Variants in KCNG2 observed in about 807,000 individuals in gnomAD.
KCNG2 encodes the protein potassium voltage-gated channel modifier subfamily G member 2, also known as voltage-gated potassium channel regulatory subunit KCNG2.
In KCNG2, 7 loss-of-function variants were observed where a neutral mutation model predicts 12.3. The ratio of observed to expected loss-of-function variants is 0.57; its 90% confidence interval spans 0.32 to 1.07. The LOEUF is 1.07. KCNG2 is among the 50% of genes least tolerant of loss of function. The pLI, the probability that KCNG2 is intolerant of heterozygous loss-of-function variation, is 0.04. For synonymous variants in KCNG2, 414 were observed against 351.4 expected (o/e 1.18, Z -1.99); for missense variants, 703 against 726.0 (o/e 0.97, Z 0.36).
At chr18:79,891,772 G>C (rs946803841) in intron 3 of KCNG2, among the ~76,000 whole-genome samples, 1 of 152,068 alleles carries the variant, frequency 6.6e-6, no homozygotes, top group African/African-American at 2.4e-5. Flanking sequence ...ATTGAGGTTG[G>C]TTCTATGGCC....
At chr18:79,826,790 C>T (rs1015404006) in intron 1 of KCNG2, among the ~76,000 whole-genome samples, 4 of 150,696 alleles carry the variant, frequency 2.7e-5, no homozygotes, top group South Asian at 4.2e-4. Context: ...TACGTCATTA[C>T]GTTCAGTGAA....
At chr18:79,810,603 A>T (rs563113430) in intron 1 of KCNG2, among the ~76,000 whole-genome samples, 1 of 126,332 alleles carries the variant, frequency 7.9e-6, no homozygotes, top group Non-Finnish European at 2.0e-5. Flanking sequence ...CCCTGTCTCT[A>T]AAAAAAAAGA....
rs1389714656 is a variant in KCNG2, at chr18:79,884,496, G to A, written c.625-14544G>A. ...ATGGAGCCCCGGCCACTGGGTCCCC[G>A]GGGGAGAGCCAGGCTGTGATGTCCC... On this transcript the variant is annotated intron_variant, in intron 3 of 3. Transcript: ENST00000316249. This position sits in a 1 kb window ranked among gnomAD's most constrained non-coding sequence, Gnocchi z 5.5. 6.6e-6 allele frequency among the ~76,000 whole-genome samples: 1 copy of A among 152,184 alleles called. No homozygotes were observed. Among genetic ancestry groups the A allele is most frequent in the African/African-American group, 2.4e-5 (1 of 41,442 alleles).
intron 3 of KCNG2, among the ~76,000 whole-genome samples, chr18:79,866,419 A>AGAGGTCTGGGTGCT (rs1333269832): frequency 9.6e-5 from 9 of 94,204 alleles, no homozygotes; most frequent in African/African-American, 3.8e-4. Context: ...CTGGGTGCTG[A>AGAGGTCTGGGTGCT]GAGGTCTGGG....
intron 1 of KCNG2, among the ~76,000 whole-genome samples, chr18:79,842,849 A>G (rs1452512140): frequency 6.6e-6 from 1 of 152,128 alleles, no homozygotes; most frequent in Non-Finnish European, 1.5e-5. Context: ...AATCCTAGAG[A>G]CTTATGGACT....
intron 2 of KCNG2, among the ~76,000 whole-genome samples, chr18:79,861,570 T>C (rs1297854998): frequency 6.6e-6 from 1 of 152,218 alleles, no homozygotes; most frequent in African/African-American, 2.4e-5. Flanking sequence ...TGAGCCACTG[T>C]GCCGGGTCTT....
intron 1 of KCNG2, among the ~76,000 whole-genome samples, chr18:79,811,711 C>T (rs1599365431): frequency 6.6e-6 from 1 of 152,318 alleles, no homozygotes; most frequent in South Asian, 2.1e-4. Context: ...TAAAATGCTT[C>T]ACCAATCATG....
rs1348086629 is a variant in KCNG2 at position 79,865,962 on chromosome 18, T to C, written c.624+1671T>C. Among the ~76,000 whole-genome samples, 3 of 127,502 alleles carry C rather than the reference T, an allele frequency of 2.4e-5. 1 individual carries two copies. The highest frequency in any genetic ancestry group is 7.9e-5 in the Admixed American group (1 of 12,634). 83.6% of individuals were successfully genotyped at this position (127,502 alleles called of 152,430 possible). On this transcript the variant is annotated intron_variant, in intron 3 of 3. Transcript: ENST00000316249. ...TCTGGATGCTGAGAGGTCTGTGTGC[T>C]GAGAGGACTGTGTGCCGAGGTCTGG... is the stretch of plus-strand genomic sequence containing the variant.
intron 1 of KCNG2, among the ~76,000 whole-genome samples, chr18:79,848,704 C>T (rs1414287990): frequency 1.3e-5 from 2 of 152,290 alleles, no homozygotes; most frequent in East Asian, 1.9e-4. Flanking sequence ...CGGTGGCCCA[C>T]GGGCTGGGGC....
At chr18:79,858,489 T>G (rs1251408821) in intron 2 of KCNG2, among the ~76,000 whole-genome samples, 4 of 152,252 alleles carry the variant, frequency 2.6e-5, no homozygotes, top group African/African-American at 9.6e-5. Flanking sequence ...TTTGGGTTGT[T>G]TTCAGTTTTT....
rs1383427673 is a variant in KCNG2, at chr18:79,807,823, G to A, written c.-115+9809G>A. 4.0e-4 allele frequency among the ~76,000 whole-genome samples: 54 copies of A among 135,674 alleles called. 1 individual carries two copies. Among genetic ancestry groups the A allele is most frequent in the South Asian group, 1.5e-3 (6 of 3,914 alleles). The allele number at this position is 135,674 out of a possible 152,430, so 89.0% of individuals were successfully genotyped here. Reference sequence around the variant, plus strand: ...TCCACGTTATGGGCCCAGAGTCCGCGCTCTGAGGAGCTGCCGGGGCCGCGC... The same window carrying A: ...TCCACGTTATGGGCCCAGAGTCCGCACTCTGAGGAGCTGCCGGGGCCGCGC... On this transcript the variant is annotated intron_variant, in intron 1 of 3. Transcript: ENST00000316249.
chr18:79,827,488 G>A (rs952298979), intron 1 of KCNG2, among the ~76,000 whole-genome samples: 6 of 152,156 alleles, frequency 3.9e-5, no homozygotes, highest in Non-Finnish European at 5.9e-5. Context: ...TTAGCACAGC[G>A]GCTCTCAAAC....
chr18:79,845,402 C>A (rs1051914384), intron 1 of KCNG2, among the ~76,000 whole-genome samples: 2 of 152,066 alleles, frequency 1.3e-5, no homozygotes, highest in Non-Finnish European at 2.9e-5. Context: ...GAGGCTACCA[C>A]GGGGAAAACT....
In KCNG2 at chr18:79,819,349, T is replaced by G. The variant is rs555769630; in HGVS notation, c.-115+21335T>G. ...TCACCAACCGAGGGACCCTTCCTGG[T>G]GGCTGTACGGGTGAGGCTGAGCCTC... On this transcript the variant is annotated intron_variant, in intron 1 of 3. Coordinates refer to ENST00000316249, the MANE Select transcript of KCNG2 (RefSeq NM_012283.2). Among the ~76,000 whole-genome samples, 5 of 152,300 alleles carry G rather than the reference T, an allele frequency of 3.3e-5. No homozygotes were observed. In the East Asian group the frequency reaches 9.7e-4, roughly 29 times the overall value.
chr18:79,881,683 A>G (rs1402158472), intron 3 of KCNG2, among the ~76,000 whole-genome samples: 2 of 152,334 alleles, frequency 1.3e-5, no homozygotes, highest in South Asian at 2.1e-4. Context: ...CCCTCCCCAT[A>G]GTCCATCTCC....
intron 1 of KCNG2, among the ~76,000 whole-genome samples, chr18:79,827,079 C>T (rs553397256): frequency 1.5e-3 from 221 of 152,336 alleles, no homozygotes; most frequent in Middle Eastern, 3.4e-3. Context: ...GGCCGGGCCG[C>T]GCCAGCCTCT....
At chr18:79,832,230 C>T (rs1255471047) in intron 1 of KCNG2, among the ~76,000 whole-genome samples, 6 of 150,308 alleles carry the variant, frequency 4.0e-5, no homozygotes, top group Non-Finnish European at 8.9e-5. Context: ...ACCCCTCCTT[C>T]CTCACCTGCT....
chr18:79,845,894 G>A (rs1413510989), intron 1 of KCNG2, among the ~76,000 whole-genome samples: 1 of 151,614 alleles, frequency 6.6e-6, no homozygotes, highest in African/African-American at 2.4e-5. Context: ...AGATCATCCT[G>A]GCTAATACAG....
At chr18:79,898,094 G>A (rs1442555981) in intron 3 of KCNG2, among the ~76,000 whole-genome samples, 1 of 152,194 alleles carries the variant, frequency 6.6e-6, no homozygotes, top group Non-Finnish European at 1.5e-5. Context: ...GCACACGCAT[G>A]AATCCTAATT....
Sources: gnomAD v4.1 joint callset for allele counts (sites outside exome capture counted in the v4.1 genomes callset) on GRCh38, gnomAD v4.1.1 for gene constraint, Gnocchi (gnomAD v3.1) non-coding constraint, MANE v1.5 for transcripts, NCBI Gene and HGNC (gene_info 2026-07-23, HGNC 2026-07-21) for gene names.